Variants in CDH18 observed in about 807,000 individuals in gnomAD.
The protein encoded by CDH18 is cadherin 18, also known as cadherin-18.
CDH18 carries 31 observed loss-of-function variants against 67.9 expected under a neutral mutation model. The ratio of observed to expected loss-of-function variants is 0.46; its 90% CI spans 0.34 to 0.62. The LOEUF is 0.62. Ranked by LOEUF, CDH18 falls within the 20% of genes least tolerant of loss-of-function variation. The pLI is 0.01. For missense variants in CDH18, 890 were observed against 975.5 expected (o/e 0.91, Z 1.17); for synonymous variants, 362 against 347.2 (o/e 1.04, Z -0.48).
At chr5:20,477,350 A>G (rs545829344) in intron 1 of CDH18, among the ~76,000 whole-genome samples, 1 of 152,182 alleles carries the variant, frequency 6.6e-6, no homozygotes, top group African/African-American at 2.4e-5. Context: ...CAATAACAGT[A>G]CCTGGTTTTA....
chr5:20,349,812 T>C (rs1480918729), intron 1 of CDH18, among the ~76,000 whole-genome samples: 2 of 152,102 alleles, frequency 1.3e-5, no homozygotes, highest in Admixed American at 1.3e-4. Context: ...AGGAAAATAA[T>C]GGGACATATT....
At chr5:20,560,886 T>C (rs910255190) in intron 1 of CDH18, among the ~76,000 whole-genome samples, 4 of 152,020 alleles carry the variant, frequency 2.6e-5, no homozygotes, top group Non-Finnish European at 5.9e-5. Context: ...AGGTCTATTA[T>C]CCAACATACA....
chr5:20,320,801 C>A (rs1449760438), intron 1 of CDH18, among the ~76,000 whole-genome samples: 1 of 152,064 alleles, frequency 6.6e-6, no homozygotes, highest in East Asian at 1.9e-4. Context: ...TTCCTGTGGC[C>A]CATGAGGGGA....
At chr5:19,634,708 T>C (rs6869669) in intron 5 of CDH18, among the ~76,000 whole-genome samples, 1 of 151,660 alleles carries the variant, frequency 6.6e-6, no homozygotes, top group African/African-American at 2.4e-5. Context: ...AGCCTGAGGG[T>C]GGGTGGATCA....
intron 2 of CDH18, among the ~76,000 whole-genome samples, chr5:20,224,720 C>G (rs1741477843): frequency 6.6e-6 from 1 of 151,996 alleles, no homozygotes; most frequent in Non-Finnish European, 1.5e-5. Flanking sequence ...ACAGACATGA[C>G]AAGTGCTTCA....
At chr5:19,716,158 C>G (rs1316564029) in intron 5 of CDH18, among the ~76,000 whole-genome samples, 1 of 151,928 alleles carries the variant, frequency 6.6e-6, no homozygotes, top group Non-Finnish European at 1.5e-5. Flanking sequence ...TAACTTGAGT[C>G]CTATATTTTT....
At chr5:19,860,671 G>A (rs1257827677) in intron 2 of CDH18, among the ~76,000 whole-genome samples, 1 of 151,442 alleles carries the variant, frequency 6.6e-6, no homozygotes, top group Admixed American at 6.6e-5. Context: ...TTCAGTATTA[G>A]TGTTACATTA....
upstream of CDH18, among the ~76,000 whole-genome samples, chr5:19,990,786 AAGAAGAAG>A (rs1561691362): frequency 0.015 from 2,215 of 151,052 alleles, 63 homozygotes; most frequent in African/African-American, 0.051. Flanking sequence ...AAAAGAAAAG[AAGAAGAAG>A]AAGAAGAAGA....
At chr5:19,508,672 T>C (rs1011244064) in intron 10 of CDH18, among the ~76,000 whole-genome samples, 2 of 152,080 alleles carry the variant, frequency 1.3e-5, no homozygotes, top group Admixed American at 6.6e-5. Flanking sequence ...CTTTCAATTG[T>C]CTGTTAATTG....
chr5:20,404,171 C>A (rs2136101), intron 1 of CDH18, among the ~76,000 whole-genome samples: 83,217 of 151,984 alleles, frequency 0.55, 23,203 homozygotes, highest in Middle Eastern at 0.62. Context: ...CTGGAATGGG[C>A]TTTGGCTTAA....
chr5:20,509,352 T>A (rs1581128716), intron 1 of CDH18, among the ~76,000 whole-genome samples: 1 of 152,082 alleles, frequency 6.6e-6, no homozygotes, highest in East Asian at 1.9e-4. Flanking sequence ...CCTAGCTTAT[T>A]TCCCTTAATA....
At chr5:19,842,614 A>G (rs552955671) in intron 2 of CDH18, among the ~76,000 whole-genome samples, 27 of 152,292 alleles carry the variant, frequency 1.8e-4, no homozygotes, top group African/African-American at 6.3e-4. Context: ...AAAATAAAAT[A>G]ATACAATACA....
At chr5:19,887,561 T>C (rs1788342165) in intron 2 of CDH18, among the ~76,000 whole-genome samples, 1 of 151,900 alleles carries the variant, frequency 6.6e-6, no homozygotes, top group Admixed American at 6.6e-5. Context: ...CTACAATCCA[T>C]CTGGGACTTG....
chr5:20,102,001 G>A (rs1268876234), intron 2 of CDH18, among the ~76,000 whole-genome samples: 1 of 152,108 alleles, frequency 6.6e-6, no homozygotes, highest in Non-Finnish European at 1.5e-5. Context: ...AACCCGGGAG[G>A]CAGAGGTTGC....
intron 1 of CDH18, among the ~76,000 whole-genome samples, chr5:20,261,512 G>A (rs371445887): frequency 5.9e-4 from 90 of 152,146 alleles, no homozygotes; most frequent in Middle Eastern, 3.4e-3. Context: ...AGGCTGAGGC[G>A]GGCAGATCAC....
chr5:20,254,612 C>T (rs760681894), intron 2 of CDH18, among the ~76,000 whole-genome samples: 4 of 152,258 alleles, frequency 2.6e-5, no homozygotes, highest in East Asian at 3.9e-4. Flanking sequence ...CTACCACACT[C>T]GCGACAGATC....
chr5:19,618,072 G>A (rs942421093), intron 5 of CDH18, among the ~76,000 whole-genome samples: 4 of 152,018 alleles, frequency 2.6e-5, no homozygotes, highest in Non-Finnish European at 4.4e-5. Flanking sequence ...AATGCCTAAC[G>A]GGCTAGAACA....
At chr5:20,411,360 T>G (rs190762442) in intron 1 of CDH18, among the ~76,000 whole-genome samples, 14 of 151,732 alleles carry the variant, frequency 9.2e-5, no homozygotes, top group Admixed American at 2.6e-4. Flanking sequence ...AAGAGTATCT[T>G]CAACTAATTG....
At chr5:20,195,129 A>G (rs1338723022) in intron 2 of CDH18, among the ~76,000 whole-genome samples, 1 of 152,110 alleles carries the variant, frequency 6.6e-6, no homozygotes, top group Non-Finnish European at 1.5e-5. Context: ...ATCTTATTCA[A>G]AAACAGTCAA....
Sources: allele counts gnomAD v4.1 joint callset (sites outside exome capture counted in the v4.1 genomes callset), GRCh38; gene constraint gnomAD v4.1.1; transcripts MANE v1.5; gene names NCBI Gene and HGNC (gene_info 2026-07-23, HGNC 2026-07-21).